SVOPL: variants seen among roughly 807,000 people sequenced by gnomAD.
SVOPL encodes the protein SVOP like, also known as putative transporter SVOPL.
Under a neutral mutation model 61.0 loss-of-function variants are expected in SVOPL, and 60 were observed. The ratio of observed to expected loss-of-function variants is 0.98; its 90% CI spans 0.80 to 1.22. The LOEUF is 1.22. Ranked by LOEUF, SVOPL falls within the 50% of genes most tolerant of loss-of-function variation. The pLI is 0.00. For synonymous variants in SVOPL, 279 were observed against 250.0 expected, an observed-to-expected ratio of 1.12 and a Z score of -1.09; for missense variants, 662 against 643.9, an observed-to-expected ratio of 1.03 and a Z score of -0.30.
chr7:138,665,663 A>T (rs1373824992), intron 4 of SVOPL, among the ~76,000 whole-genome samples: 1 of 152,240 alleles, frequency 6.6e-6, no homozygotes, highest in East Asian at 1.9e-4. Flanking sequence ...TTTGTAGTGC[A>T]GGTGCAAATG....
chr7:138,655,294 A>C (rs1333796172), intron 7 of SVOPL, among the ~76,000 whole-genome samples: 2 of 152,200 alleles, frequency 1.3e-5, no homozygotes, highest in African/African-American at 4.8e-5. Context: ...ACCTGAGGTC[A>C]GGAGTTTGAG....
chr7:138,665,708 A>C (rs1198220385), intron 4 of SVOPL, among the ~76,000 whole-genome samples: 1 of 152,210 alleles, frequency 6.6e-6, no homozygotes, highest in East Asian at 1.9e-4. Context: ...CAAGGATCTA[A>C]GAGGTGCATA....
intron 14 of SVOPL, among the ~76,000 whole-genome samples, chr7:138,605,497 A>C (rs1031326860): frequency 6.6e-6 from 1 of 152,106 alleles, no homozygotes; most frequent in African/African-American, 2.4e-5. Context: ...CCCGGTCTCT[A>C]CTAAAAATAC....
chr7:138,686,405 CAAAAAAAAAAAA>C (rs200553829), intron 1 of SVOPL, among the ~76,000 whole-genome samples: 27,916 of 89,580 alleles, frequency 0.31, 2,992 homozygotes, highest in Middle Eastern at 0.42. Context: ...GACTCCGCCT[CAAAAAAAAAAAA>C]AAAAAAAAAA....
intron 3 of SVOPL, among the ~76,000 whole-genome samples, chr7:138,675,931 C>G (rs1802548639): frequency 6.6e-6 from 1 of 152,170 alleles, no homozygotes; most frequent in Non-Finnish European, 1.5e-5. Flanking sequence ...CTCTGCCTCC[C>G]AGGTTCAAGT....
chr7:138,661,931 ACCCCTTAC>A (rs1173285913), intron 5 of SVOPL: 1 of 985,066 alleles, frequency 1.0e-6, no homozygotes, highest in African/African-American at 1.7e-5. Flanking sequence ...GAGCAACACC[ACCCCTTAC>A]CCCCACAATT....
chr7:138,633,720 C>T (rs1356746723), intron 9 of SVOPL, among the ~76,000 whole-genome samples: 1 of 151,840 alleles, frequency 6.6e-6, no homozygotes, highest in Non-Finnish European at 1.5e-5. Context: ...AGTGAGAATA[C>T]CTTACCAAAA....
intron 3 of SVOPL, 143 bp downstream of exon 3, chr7:138,678,291 C>G (rs1802618297): frequency 1.4e-6 from 1 of 724,588 alleles, no homozygotes; most frequent in Admixed American, 3.2e-5. Flanking sequence ...AAACGGTGCC[C>G]CATCCACCTT....
At chr7:138,645,758 G>T in intron 8 of SVOPL, 1 of 164,740 alleles carries the variant, frequency 6.1e-6, no homozygotes, top group South Asian at 1.6e-4. Context: ...GGTGGAACAG[G>T]ACTGGTGCTT....
intron 14 of SVOPL, among the ~76,000 whole-genome samples, chr7:138,599,544 G>A (rs11769924): frequency 0.11 from 16,816 of 152,128 alleles, 1,082 homozygotes; most frequent in Middle Eastern, 0.16. Context: ...TTGTTTTGTT[G>A]CTTTTTAGAG....
intron 4 of SVOPL, among the ~76,000 whole-genome samples, chr7:138,669,978 T>C (rs1214198234): frequency 1.3e-5 from 2 of 152,220 alleles, no homozygotes; most frequent in Non-Finnish European, 2.9e-5. Context: ...CCCCACCTGC[T>C]GGTTCTTTGA....
intron 9 of SVOPL, among the ~76,000 whole-genome samples, chr7:138,635,865 T>A (rs940544047): frequency 6.6e-6 from 1 of 151,954 alleles, no homozygotes; most frequent in South Asian, 2.1e-4. Flanking sequence ...TAAAAATACT[T>A]CAGAGAACAA....
At chr7:138,676,622 G>A (rs184582716) in intron 3 of SVOPL, among the ~76,000 whole-genome samples, 7 of 152,290 alleles carry the variant, frequency 4.6e-5, no homozygotes. Flanking sequence ...CAGTAAACAA[G>A]CCTTCATCAG....
chr7:138,596,476 CACAG>C lies in SVOPL; in HGVS notation c.1404_1407del (p.Cys469LeufsTer60). On this transcript the variant is annotated frameshift_variant, in exon 15 of 16. Transcript: ENST00000674285. LOFTEE classifies it high-confidence loss of function. ...GTGAATGCAGAAATGGCGCATACAA[CACAG>C]ACAGATGAGAAGAGACACAGGGCCC... is the stretch of plus-strand genomic sequence containing the variant. 1.9e-6 allele frequency: 3 copies of C among 1,613,982 alleles called. No homozygotes were observed. Among genetic ancestry groups the C allele is most frequent in the Non-Finnish European group, 1.7e-6 (2 of 1,179,938 alleles).
intron 14 of SVOPL, among the ~76,000 whole-genome samples, chr7:138,616,016 G>GA (rs1235606516): frequency 6.6e-6 from 1 of 151,504 alleles, no homozygotes; most frequent in East Asian, 1.9e-4. Context: ...AAAGAGACCA[G>GA]AAAAAACTCT....
chr7:138,681,300 A>G (rs1802696179), intron 1 of SVOPL, among the ~76,000 whole-genome samples: 1 of 148,326 alleles, frequency 6.7e-6, no homozygotes, highest in Admixed American at 6.8e-5. Flanking sequence ...AACTGGAAAT[A>G]GAAATACGAG....
intron 9 of SVOPL, among the ~76,000 whole-genome samples, chr7:138,634,406 G>T (rs1310892692): frequency 6.6e-6 from 1 of 151,960 alleles, no homozygotes; most frequent in African/African-American, 2.4e-5. Context: ...ACTTTGGGAG[G>T]CCAAGGTGGA....
intron 9 of SVOPL, among the ~76,000 whole-genome samples, chr7:138,632,709 CAG>C (rs1046556335): frequency 5.9e-5 from 8 of 135,828 alleles, no homozygotes; most frequent in Non-Finnish European, 1.1e-4. Context: ...AGATGGGAGA[CAG>C]GGGGTTGTGG....
chr7:138,693,529 A>AAAAGAAAGAAAGAAAAAGAAAG (rs1802990361), intron 1 of SVOPL, among the ~76,000 whole-genome samples: 1 of 117,086 alleles, frequency 8.5e-6, no homozygotes, highest in African/African-American at 3.3e-5. Context: ...AAAAGAAAGA[A>AAAAGAAAGAAAGAAAAAGAAAG]AAAGAAAGAA....
Sources: allele counts gnomAD v4.1 joint callset (sites outside exome capture counted in the v4.1 genomes callset), GRCh38; gene constraint gnomAD v4.1.1; transcripts MANE v1.5; gene names NCBI Gene and HGNC (gene_info 2026-07-23, HGNC 2026-07-21).